The following TCF12 variants were observed in gnomAD, a reference collection of about 807,000 sequenced individuals.
The protein encoded by TCF12 is DNA-binding protein HTF4.
TCF12 carries 45 observed loss-of-function variants against 86.0 expected under a neutral mutation model. That is an observed-to-expected ratio of 0.52 (90% CI 0.41 to 0.67). The LOEUF is 0.67. Among genes scored for constraint, TCF12 ranks in the 30% least tolerant of loss-of-function variants. TCF12 has a pLI of 0.00. For synonymous variants in TCF12, 330 were observed against 299.6 expected (o/e 1.10, Z -1.05); for missense variants, 881 against 859.9 (o/e 1.02, Z -0.31).
At position 57,289,830 on chromosome 15, in the gene TCF12, TTAAA is replaced by T. The variant is rs1288007751; in HGVS notation, c.*3693_*3696del. 2.0e-5 allele frequency: 3 copies of T among 152,122 alleles called. No individual in the cohort carries two copies. Among genetic ancestry groups the T allele is most frequent in the Non-Finnish European group, 4.4e-5 (3 of 68,020 alleles). The allele number at this position is 152,122 out of a possible 1,614,324, so 9.4% of individuals were successfully genotyped here. ...AGTACTTAATAAATGATAAATATTT[TTAAA>T]TAAATAATATTATAACCAACTCCCA... On this transcript the variant is annotated 3_prime_UTR_variant, in exon 21 of 21. Transcript: ENST00000333725.
intron 3 of TCF12, among the ~76,000 whole-genome samples, chr15:56,934,189 T>G (rs1264337802): frequency 6.6e-5 from 10 of 152,168 alleles, no homozygotes; most frequent in African/African-American, 2.4e-4. Flanking sequence ...TTAAAATGCT[T>G]GTTGAGGATC....
intron 3 of TCF12, among the ~76,000 whole-genome samples, chr15:56,981,741 A>G (rs754458788): frequency 6.6e-6 from 1 of 152,198 alleles, no homozygotes. Flanking sequence ...CAATTAATAC[A>G]TATTTTTCAT....
intron 3 of TCF12, among the ~76,000 whole-genome samples, chr15:56,944,979 C>T (rs2060932742): frequency 6.6e-6 from 1 of 152,058 alleles, no homozygotes; most frequent in East Asian, 1.9e-4. Context: ...ATGAACATAT[C>T]TCTTATCTAT....
At chr15:57,170,750 T>C (rs1283988358) in intron 6 of TCF12, among the ~76,000 whole-genome samples, 2 of 45,664 alleles carry the variant, frequency 4.4e-5, no homozygotes, top group African/African-American at 1.6e-4. Flanking sequence ...ATATATTATA[T>C]ATTATATATT....
intron 3 of TCF12, among the ~76,000 whole-genome samples, chr15:57,024,615 A>G (rs1362252077): frequency 1.3e-5 from 2 of 152,216 alleles, no homozygotes; most frequent in Non-Finnish European, 2.9e-5. Context: ...TGATAAGATG[A>G]TCAGAATTCA....
At chr15:57,154,012 AAAAG>A (rs2053946504) in intron 5 of TCF12, among the ~76,000 whole-genome samples, 1 of 151,794 alleles carries the variant, frequency 6.6e-6, no homozygotes, top group South Asian at 2.1e-4. Context: ...AAAAAAAAAG[AAAAG>A]AAAAAAGAAG....
In TCF12 at chr15:57,287,891, A is replaced by G. The variant is rs1597940913; in HGVS notation, c.*1746A>G. ...TCATTTCAGTGTTAATCAGCTAAAC[A>G]GAAGTTGTTGCTTATGATGTGTGAG... On this transcript the variant is annotated 3_prime_UTR_variant, in exon 21 of 21. Transcript: ENST00000333725. 1 of 152,798 alleles carries G rather than the reference A, an allele frequency of 6.5e-6. No individual in the cohort carries two copies. Among genetic ancestry groups the G allele is most frequent in the East Asian group, 1.9e-4 (1 of 5,188 alleles). The allele number at this position is 152,798 out of a possible 1,614,324, so 9.5% of individuals were successfully genotyped here.
intron 3 of TCF12, among the ~76,000 whole-genome samples, chr15:56,958,128 T>C (rs1047980470): frequency 6.6e-6 from 1 of 152,218 alleles, no homozygotes; most frequent in Non-Finnish European, 1.5e-5. Context: ...AGTACTCAAG[T>C]TGAACTTTTT....
At chr15:57,270,943 G>T (rs571906897) in intron 18 of TCF12, among the ~76,000 whole-genome samples, 1 of 152,106 alleles carries the variant, frequency 6.6e-6, no homozygotes, top group Non-Finnish European at 1.5e-5. Context: ...TGGAAGCTTC[G>T]TCCCAGAGGG....
chr15:56,961,354 C>G (rs1445850339), intron 3 of TCF12, among the ~76,000 whole-genome samples: 1 of 152,136 alleles, frequency 6.6e-6, no homozygotes, highest in Non-Finnish European at 1.5e-5. Flanking sequence ...GAAAAAAACT[C>G]TTAATGAGCA....
At chr15:57,068,071 T>G (rs1276398581) in intron 4 of TCF12, among the ~76,000 whole-genome samples, 1 of 152,220 alleles carries the variant, frequency 6.6e-6, no homozygotes, top group Non-Finnish European at 1.5e-5. Context: ...AGGCTGTGCT[T>G]AAGAGGGCAG....
chr15:57,092,899 C>T (rs1193260638), intron 5 of TCF12, among the ~76,000 whole-genome samples: 2 of 152,114 alleles, frequency 1.3e-5, no homozygotes, highest in African/African-American at 4.8e-5. Flanking sequence ...TTACCCAAAT[C>T]CCAAATCCTG....
In TCF12 at chr15:57,248,153, T is replaced by G; in HGVS notation, c.1115-3197T>G. The G allele has an allele frequency of 5.7e-6, 4 of 700,152 alleles. No homozygotes were observed. The South Asian group carries it at 6.0e-5, about 10-fold the overall frequency. 43.4% of individuals were successfully genotyped at this position (700,152 alleles called of 1,614,324 possible). The stretch of plus-strand genomic sequence containing the variant: ...TTAAGGATCCTTTTCCAGAAGCCTC[T>G]TAAACAGATTTCCCCTTACGTCTTA... On this transcript the variant is annotated intron_variant, in intron 13 of 20. Coordinates refer to ENST00000333725, the MANE Select transcript of TCF12 (RefSeq NM_207037.2).
intron 4 of TCF12, among the ~76,000 whole-genome samples, chr15:57,083,014 C>T (rs2048407392): frequency 2.6e-5 from 4 of 152,034 alleles, no homozygotes; most frequent in Admixed American, 6.6e-5. Context: ...TGTCAGCATA[C>T]ATCAGTCTTA....
At chr15:57,238,744 A>G (rs1439195403) in intron 12 of TCF12, among the ~76,000 whole-genome samples, 5 of 152,238 alleles carry the variant, frequency 3.3e-5, no homozygotes, top group African/African-American at 1.2e-4. Flanking sequence ...ATACTGGCAT[A>G]CAATAATGGA....
intron 16 of TCF12, among the ~76,000 whole-genome samples, chr15:57,257,603 G>A (rs1245173558): frequency 6.6e-6 from 1 of 151,406 alleles, no homozygotes; most frequent in East Asian, 1.9e-4. Flanking sequence ...TGAGGCTGCA[G>A]TGAGCCATGA....
At chr15:56,961,126 CA>C (rs35067646) in intron 3 of TCF12, among the ~76,000 whole-genome samples, 26,431 of 135,998 alleles carry the variant, frequency 0.19, 2,590 homozygotes, top group Middle Eastern at 0.24. Flanking sequence ...AACTCTGTCT[CA>C]AAAAAAAAAA....
intron 4 of TCF12, among the ~76,000 whole-genome samples, chr15:57,074,063 G>A (rs920072477): frequency 7.2e-5 from 11 of 151,874 alleles, no homozygotes; most frequent in African/African-American, 2.7e-4. Flanking sequence ...GAAGTTTCAG[G>A]ATAACGGTAC....
intron 16 of TCF12, among the ~76,000 whole-genome samples, chr15:57,261,633 A>G (rs908300338): frequency 7.9e-5 from 12 of 152,252 alleles, no homozygotes; most frequent in Middle Eastern, 3.4e-3. Context: ...TTTTTTATGT[A>G]AGTTAATACT....
Sources: gnomAD v4.1 joint callset for allele counts (sites outside exome capture counted in the v4.1 genomes callset) on GRCh38, gnomAD v4.1.1 for gene constraint, MANE v1.5 for transcripts, NCBI Gene and HGNC (gene_info 2026-07-23, HGNC 2026-07-21) for gene names.